The following RBFOX1 variants were observed in gnomAD, a reference collection of about 807,000 sequenced individuals.
RBFOX1 encodes RNA binding fox-1 homolog 1, also known as RNA binding protein fox-1 homolog 1.
In RBFOX1, 8 loss-of-function variants were observed where a neutral mutation model predicts 57.7. That is an observed-to-expected ratio of 0.14 (90% confidence interval 0.08 to 0.25). The LOEUF (loss-of-function observed/expected upper bound fraction) is 0.25. Ranked by LOEUF, RBFOX1 falls within the 10% of genes least tolerant of loss-of-function variation. The pLI is 1.00. For synonymous variants in RBFOX1, 326 were observed against 222.4 expected (o/e 1.47, Z -4.15); for missense variants, 611 against 548.5 (o/e 1.11, Z -1.14).
intron 2 of RBFOX1, among the ~76,000 whole-genome samples, chr16:6,351,348 G>GTATATA (rs1370072119): frequency 1.0e-5 from 1 of 97,044 alleles, no homozygotes; most frequent in Non-Finnish European, 1.8e-5. Context: ...GTGTGTGTGT[G>GTATATA]TGTGTATATA....
intron 4 of RBFOX1, among the ~76,000 whole-genome samples, chr16:7,068,156 A>T (rs1286769286): frequency 2.6e-5 from 4 of 151,808 alleles, no homozygotes; most frequent in African/African-American, 9.7e-5. Flanking sequence ...CTATTTTAAG[A>T]TCCGTAATTA....
intron 3 of RBFOX1, among the ~76,000 whole-genome samples, chr16:7,047,890 A>AT (rs1030871833): frequency 6.0e-5 from 9 of 150,496 alleles, no homozygotes; most frequent in African/African-American, 7.3e-5. Flanking sequence ...TTAATTAATT[A>AT]TTTTTTTTGA....
intron 1 of RBFOX1, among the ~76,000 whole-genome samples, chr16:6,211,137 A>T (rs1217184480): frequency 9.7e-6 from 1 of 103,306 alleles, no homozygotes; most frequent in Non-Finnish European, 2.5e-5. Context: ...ACTGGACAGT[A>T]ACCATGAGAC....
intron 1 of RBFOX1, among the ~76,000 whole-genome samples, chr16:6,273,933 C>T (rs1599056371): frequency 1.3e-5 from 2 of 152,164 alleles, no homozygotes; most frequent in South Asian, 4.1e-4. Flanking sequence ...GGCAAGTAAG[C>T]ACATGAAAAG....
At chr16:6,479,388 G>C (rs1402906220) in intron 2 of RBFOX1, among the ~76,000 whole-genome samples, 6 of 152,104 alleles carry the variant, frequency 3.9e-5, no homozygotes, top group Admixed American at 6.5e-5. Flanking sequence ...AGGAGTTAAA[G>C]GCCAGCCTGG....
intron 3 of RBFOX1, among the ~76,000 whole-genome samples, chr16:5,632,251 G>A (rs1018950775): frequency 6.6e-6 from 1 of 152,230 alleles, no homozygotes; most frequent in Admixed American, 6.5e-5. Context: ...GCCACAGTCT[G>A]ATGAACGAGA....
At chr16:7,569,959 A>T (rs2152761397) in intron 5 of RBFOX1, among the ~76,000 whole-genome samples, 1 of 152,244 alleles carries the variant, frequency 6.6e-6, no homozygotes, top group South Asian at 2.1e-4. Context: ...TGTTTGGGGG[A>T]TCCTTCACAT....
intron 3 of RBFOX1, among the ~76,000 whole-genome samples, chr16:6,850,629 AT>A (rs1172100863): frequency 2.6e-5 from 4 of 152,190 alleles, no homozygotes; most frequent in African/African-American, 9.6e-5. Context: ...ATGACTCCTA[AT>A]GTCATTCTTT....
chr16:7,301,895 T>G (rs1033510818), intron 4 of RBFOX1, among the ~76,000 whole-genome samples: 1 of 152,184 alleles, frequency 6.6e-6, no homozygotes, highest in Non-Finnish European at 1.5e-5. Flanking sequence ...ACTTTCTCTT[T>G]AGTTTTGTGA....
intron 5 of RBFOX1, among the ~76,000 whole-genome samples, chr16:7,565,604 G>C (rs553835985): frequency 7.2e-5 from 11 of 152,282 alleles, no homozygotes; most frequent in African/African-American, 2.6e-4. Context: ...GCAAGTGTTC[G>C]TTACACAAAT....
chr16:7,678,667 T>A (rs1034405853), intron 14 of RBFOX1, among the ~76,000 whole-genome samples: 1 of 152,178 alleles, frequency 6.6e-6, no homozygotes, highest in African/African-American at 2.4e-5. Flanking sequence ...ACTCCTTCAA[T>A]AAGACTGGTC....
intron 3 of RBFOX1, among the ~76,000 whole-genome samples, chr16:5,621,279 C>G (rs895773258): frequency 6.6e-6 from 1 of 152,314 alleles, no homozygotes; most frequent in East Asian, 1.9e-4. Context: ...GCCTGGCTTT[C>G]CTTTCAGCTG....
chr16:7,245,852 T>C (rs760789589), intron 4 of RBFOX1, among the ~76,000 whole-genome samples: 1 of 152,184 alleles, frequency 6.6e-6, no homozygotes, highest in Non-Finnish European at 1.5e-5. Context: ...CCAATTACTT[T>C]CCCCTTTGCG....
intron 3 of RBFOX1, among the ~76,000 whole-genome samples, chr16:5,701,958 G>C (rs1446715226): frequency 6.6e-6 from 1 of 152,172 alleles, no homozygotes; most frequent in Non-Finnish European, 1.5e-5. Flanking sequence ...CCTCTGTCTT[G>C]TTTCCTTCTG....
At chr16:7,302,953 A>T (rs185480903) in intron 4 of RBFOX1, among the ~76,000 whole-genome samples, 20 of 152,346 alleles carry the variant, frequency 1.3e-4, no homozygotes, top group East Asian at 1.9e-4. Flanking sequence ...AAGAATAAAA[A>T]AAATAAATAA....
At chr16:7,203,517 A>G (rs61645233) in intron 4 of RBFOX1, among the ~76,000 whole-genome samples, 14,993 of 152,282 alleles carry the variant, frequency 0.098, 807 homozygotes, top group Non-Finnish European at 0.11. Flanking sequence ...GTATGCTTAA[A>G]ATGGTTAAGA....
At chr16:7,676,566 C>A (rs959911904) in intron 13 of RBFOX1, among the ~76,000 whole-genome samples, 10 of 152,190 alleles carry the variant, frequency 6.6e-5, no homozygotes, top group African/African-American at 2.4e-4. Flanking sequence ...CTTATGACCG[C>A]TAACCTTTAA....
At chr16:5,940,706 G>A (rs1380148784) in intron 4 of RBFOX1, among the ~76,000 whole-genome samples, 2 of 152,228 alleles carry the variant, frequency 1.3e-5, no homozygotes, top group Non-Finnish European at 1.5e-5. Context: ...TCTAGGCCAG[G>A]AATTAGAGGG....
chr16:5,925,830 C>G (rs190900987), intron 4 of RBFOX1, among the ~76,000 whole-genome samples: 50 of 152,340 alleles, frequency 3.3e-4, no homozygotes, highest in African/African-American at 1.1e-3. Context: ...GCATAAACCT[C>G]CAAATAACTA....
Sources: gnomAD v4.1 joint callset for allele counts (sites outside exome capture counted in the v4.1 genomes callset) on GRCh38, gnomAD v4.1.1 for gene constraint, MANE v1.5 for transcripts, NCBI Gene and HGNC (gene_info 2026-07-23, HGNC 2026-07-21) for gene names.